PIAS4: variants seen among roughly 807,000 people sequenced by gnomAD.
PIAS4 encodes protein inhibitor of activated STAT 4.
Under a neutral mutation model 58.0 loss-of-function variants are expected in PIAS4, and 7 were observed. The ratio of observed to expected loss-of-function variants is 0.12; its 90% CI spans 0.07 to 0.23. The LOEUF (loss-of-function observed/expected upper bound fraction) is 0.23. PIAS4 is among the 10% of genes least tolerant of loss of function. PIAS4 has a pLI of 1.00. For missense variants in PIAS4, 550 were observed against 709.5 expected (o/e 0.78, Z 2.55); for synonymous variants, 364 against 312.4 (o/e 1.17, Z -1.74).
intron 1 of PIAS4, among the ~76,000 whole-genome samples, chr19:4,008,093 C>G (rs1456202582): frequency 6.6e-6 from 1 of 151,994 alleles, no homozygotes; most frequent in Non-Finnish European, 1.5e-5. Context: ...GCCAGGGCCG[C>G]GCCTCCCGGT....
intron 3 of PIAS4, among the ~76,000 whole-genome samples, chr19:4,024,463 C>T (rs756090479): frequency 5.9e-5 from 9 of 152,204 alleles, no homozygotes; most frequent in Admixed American, 1.3e-4. Flanking sequence ...AAGAACACAC[C>T]CCTGTTGTGA....
intron 7 of PIAS4, among the ~76,000 whole-genome samples, chr19:4,031,257 C>T (rs1385679387): frequency 1.3e-5 from 2 of 152,126 alleles, no homozygotes; most frequent in African/African-American, 2.4e-5. Context: ...CAGGGGCCTG[C>T]GAGCCCCATC....
chr19:4,023,566 G>A (rs755705292), intron 2 of PIAS4, among the ~76,000 whole-genome samples: 1 of 152,216 alleles, frequency 6.6e-6, no homozygotes, highest in Non-Finnish European at 1.5e-5. Context: ...AGGCTTGTGA[G>A]CACCATGGCC....
intron 2 of PIAS4, among the ~76,000 whole-genome samples, chr19:4,015,825 C>A (rs906438236): frequency 6.6e-6 from 1 of 152,218 alleles, no homozygotes; most frequent in African/African-American, 2.4e-5. Flanking sequence ...GAATAGCCGC[C>A]GGCCGGCTCC....
At chr19:4,016,798 G>A (rs2040057128) in intron 2 of PIAS4, among the ~76,000 whole-genome samples, 2 of 152,196 alleles carry the variant, frequency 1.3e-5, no homozygotes, top group Non-Finnish European at 2.9e-5. Context: ...GCTGAATGGA[G>A]TTCATTGTGG....
chr19:4,024,067 C>A lies in PIAS4; in HGVS notation c.486C>A (p.Ser162Arg). 6.2e-7 allele frequency: 1 copy of A among 1,613,924 alleles called. No individual in the cohort carries two copies. The highest frequency in any genetic ancestry group is 8.5e-7 in the Non-Finnish European group (1 of 1,179,824). ...AGAACAACGAGAAGCTTCAGGAGAG[C>A]CCGTGCATCTTCGCATTGACGCCAA... is the stretch of plus-strand genomic sequence containing the variant. ...VPQNNEKLQE[S>R]PCIFALTPRQ... is the part of the protein sequence containing the mutation. The change falls in exon 3 of 11, where the codon AGC (serine) becomes AGA (arginine). Residue 162 changes from serine (S) to arginine (R), a missense_variant. Coordinates refer to ENST00000262971, the MANE Select transcript of PIAS4 (RefSeq NM_015897.4).
At chr19:4,022,709 C>T (rs956579969) in intron 2 of PIAS4, among the ~76,000 whole-genome samples, 3 of 151,466 alleles carry the variant, frequency 2.0e-5, no homozygotes, top group African/African-American at 7.3e-5. Context: ...TGGAAACAGT[C>T]TCACTCTGTC....
intron 2 of PIAS4, among the ~76,000 whole-genome samples, chr19:4,019,362 G>A (rs1337639110): frequency 6.6e-6 from 1 of 152,180 alleles, no homozygotes; most frequent in Non-Finnish European, 1.5e-5. Flanking sequence ...CCAGAGGGAG[G>A]AGCCCTCCCA....
At position 4,025,694 on chromosome 19, in the gene PIAS4, C is replaced by CTCAGCCTTGT. The variant is rs2040156917; in HGVS notation, c.539+1574_539+1575insTCAGCCTTGT. ...ACCTCGTCTTTCTCAGCCTCGTCTTCCTTGTCTATGTACCTGGGTCAGCAC... is the reference window on the plus strand; with the variant it reads ...ACCTCGTCTTTCTCAGCCTCGTCTTCTCAGCCTTGTCTTGTCTATGTACCTGGGTCAGCAC... On this transcript the variant is annotated intron_variant, in intron 3 of 10. Transcript: ENST00000262971. Among the ~76,000 whole-genome samples the CTCAGCCTTGT allele has an allele frequency of 2.0e-4, 4 of 19,714 alleles. No individual in the cohort carries two copies. The South Asian group carries it at 4.9e-3, about 24-fold the overall frequency. The allele number at this position is 19,714 out of a possible 152,430, so 12.9% of individuals were successfully genotyped here.
intron 3 of PIAS4, among the ~76,000 whole-genome samples, chr19:4,026,059 G>A (rs1166662236): frequency 9.5e-6 from 1 of 105,702 alleles, no homozygotes. Flanking sequence ...GGGCAACAAA[G>A]GGAGACTCCG....
rs1157212811 is a variant in PIAS4, at chr19:4,038,947, TC to T, written c.*1075del. The T allele has an allele frequency of 1.2e-4, 18 of 152,586 alleles. No individual in the cohort carries two copies. The highest frequency in any genetic ancestry group is 3.8e-4 in the African/African-American group (16 of 41,592). The allele number at this position is 152,586 out of a possible 1,614,324, so 9.5% of individuals were successfully genotyped here. On this transcript the variant is annotated 3_prime_UTR_variant, in exon 11 of 11. Transcript: ENST00000262971. The surrounding 1 kb of genome is among the most constrained non-coding windows in gnomAD (Gnocchi z 4.1). The stretch of plus-strand genomic sequence containing the variant: ...GGGCCTCCTTCCTGTCCCCAGGCGT[TC>T]CCGGCCCCTCGCAGGCCCCACCCAT...
intron 4 of PIAS4, 88 bp downstream of exon 4, chr19:4,028,275 A>G: frequency 1.9e-6 from 2 of 1,036,354 alleles, no homozygotes; most frequent in Non-Finnish European, 2.7e-6. Context: ...GGCCCTTCTC[A>G]GTCTCCCCTG....
chr19:4,029,539 TTTTTTC>T (rs1231983599), intron 7 of PIAS4, among the ~76,000 whole-genome samples: 7 of 151,826 alleles, frequency 4.6e-5, no homozygotes, highest in Admixed American at 3.9e-4. Context: ...CCGTTTAATC[TTTTTTC>T]TTTTTCTTTT....
chr19:4,021,470 G>A (rs2040108080), intron 2 of PIAS4, among the ~76,000 whole-genome samples: 1 of 149,900 alleles, frequency 6.7e-6, no homozygotes, highest in South Asian at 2.2e-4. Context: ...GATTTAAACC[G>A]GTCTTGGATT....
intron 2 of PIAS4, among the ~76,000 whole-genome samples, chr19:4,020,437 G>C (rs538848339): frequency 5.1e-4 from 77 of 152,230 alleles, no homozygotes; most frequent in African/African-American, 1.8e-3. Flanking sequence ...GGGCTTGCCT[G>C]TCATCTCGTT....
intron 1 of PIAS4, among the ~76,000 whole-genome samples, chr19:4,010,942 C>G (rs2144903389): frequency 6.6e-6 from 1 of 152,382 alleles, no homozygotes; most frequent in Admixed American, 6.5e-5. Flanking sequence ...GCCTCTCCGT[C>G]TCCAACAGGA....
chr19:4,031,216 G>A (rs1000547277), intron 7 of PIAS4, among the ~76,000 whole-genome samples: 7 of 152,280 alleles, frequency 4.6e-5, no homozygotes, highest in African/African-American at 1.4e-4. Flanking sequence ...TTGCCTGGGT[G>A]TCCAGAAGCC....
At chr19:4,015,696 C>T (rs1451336869) in intron 2 of PIAS4, among the ~76,000 whole-genome samples, 1 of 152,208 alleles carries the variant, frequency 6.6e-6, no homozygotes, top group Non-Finnish European at 1.5e-5. Flanking sequence ...CTCTGTGGTG[C>T]TGGCCTTGCC....
At chr19:4,028,278 C>G in intron 4 of PIAS4, 91 bp downstream of exon 4, 2 of 1,027,506 alleles carry the variant, frequency 1.9e-6, no homozygotes, top group African/African-American at 1.7e-5. Flanking sequence ...CCTTCTCAGT[C>G]TCCCCTGCTA....
Sources: gnomAD v4.1 joint callset for allele counts (sites outside exome capture counted in the v4.1 genomes callset) on GRCh38, gnomAD v4.1.1 for gene constraint, Gnocchi (gnomAD v3.1) non-coding constraint, MANE v1.5 for transcripts, NCBI Gene and HGNC (gene_info 2026-07-23, HGNC 2026-07-21) for gene names.